Variants in TNFAIP8 observed in about 807,000 individuals in gnomAD.
TNFAIP8 encodes tumor necrosis factor alpha-induced protein 8.
Under a neutral mutation model 13.3 loss-of-function variants are expected in TNFAIP8, and 7 were observed. The ratio of observed to expected loss-of-function variants is 0.52; its 90% confidence interval spans 0.30 to 0.99. The LOEUF (loss-of-function observed/expected upper bound fraction) is 0.99, where lower values mean the gene tolerates loss of function less well. TNFAIP8 is among the 50% of genes least tolerant of loss of function. The pLI is 0.07. For synonymous variants in TNFAIP8, 94 were observed against 87.6 expected, an observed-to-expected ratio of 1.07 and a Z score of -0.41; for missense variants, 258 against 236.9, an observed-to-expected ratio of 1.09 and a Z score of -0.58.
At chr5:119,303,218 C>G (rs1261438185) in intron 1 of TNFAIP8, among the ~76,000 whole-genome samples, 1 of 152,150 alleles carries the variant, frequency 6.6e-6, no homozygotes, top group African/African-American at 2.4e-5. Flanking sequence ...ATTACCCATG[C>G]CAGTGAGGTC....
intron 1 of TNFAIP8, among the ~76,000 whole-genome samples, chr5:119,381,954 C>T (rs1169824047): frequency 1.3e-5 from 2 of 151,946 alleles, no homozygotes; most frequent in Non-Finnish European, 2.9e-5. Flanking sequence ...GAACAAAAAA[C>T]GGAGTACCTT....
chr5:119,338,658 T>C (rs1042415751), intron 1 of TNFAIP8, among the ~76,000 whole-genome samples: 3 of 152,234 alleles, frequency 2.0e-5, no homozygotes, highest in African/African-American at 4.8e-5. Context: ...GCAGCAAGAT[T>C]AGAAATTTTC....
chr5:119,276,406 C>T (rs752113031), intron 1 of TNFAIP8, among the ~76,000 whole-genome samples: 3 of 152,220 alleles, frequency 2.0e-5, no homozygotes, highest in Non-Finnish European at 4.4e-5. Context: ...GCTTGAGCCA[C>T]CGCACCTGGC....
At chr5:119,375,295 A>G (rs1167286749) in intron 1 of TNFAIP8, among the ~76,000 whole-genome samples, 4 of 152,302 alleles carry the variant, frequency 2.6e-5, no homozygotes, top group South Asian at 2.1e-4. Flanking sequence ...GGCTTCTTCT[A>G]TCTCCTAAAA....
intron 1 of TNFAIP8, 127 bp downstream of exon 1, chr5:119,356,248 C>G: frequency 2.5e-6 from 2 of 807,390 alleles, no homozygotes; most frequent in Non-Finnish European, 3.7e-6. Flanking sequence ...CCTGCGCCTT[C>G]GAAGCCAAGT....
At chr5:119,307,683 C>T (rs780878069) in intron 1 of TNFAIP8, among the ~76,000 whole-genome samples, 1 of 152,128 alleles carries the variant, frequency 6.6e-6, no homozygotes, top group Non-Finnish European at 1.5e-5. Flanking sequence ...AGTCTTTTCC[C>T]CAAAAAATTC....
At chr5:119,310,575 C>A (rs1431623908) in intron 1 of TNFAIP8, among the ~76,000 whole-genome samples, 1 of 152,198 alleles carries the variant, frequency 6.6e-6, no homozygotes, top group Non-Finnish European at 1.5e-5. Flanking sequence ...TGGCTCACAC[C>A]TGTAATCCCA....
At position 119,349,736 on chromosome 5, in the gene TNFAIP8, A is replaced by G. The variant is rs1165388326; in HGVS notation, c.2-43080A>G. Among the ~76,000 whole-genome samples the G allele has an allele frequency of 3.9e-5, 6 of 152,388 alleles. No homozygotes were observed. In the East Asian group the frequency reaches 9.6e-4, roughly 24 times the overall value. On this transcript the variant is annotated intron_variant, in intron 1 of 1. Coordinates refer to the TNFAIP8 transcript ENST00000274456. ...TTATAGCATATTTAAAGCATTGAAT[A>G]TCAGGAATTGAATGGCTTCAGTTTA...
At chr5:119,362,247 T>TTATG (rs764104090) in intron 1 of TNFAIP8, among the ~76,000 whole-genome samples, 3 of 152,120 alleles carry the variant, frequency 2.0e-5, no homozygotes, top group Non-Finnish European at 4.4e-5. Flanking sequence ...GGGAACCTAC[T>TTATG]TATGCTGTGT....
rs547126516 is a variant in TNFAIP8 at position 119,379,524 on chromosome 5, T to C, written c.32-13292T>C. Among the ~76,000 whole-genome samples, 83 of 152,268 alleles carry C rather than the reference T, an allele frequency of 5.5e-4. 1 individual carries two copies. The highest frequency in any genetic ancestry group is 1.9e-3 in the African/African-American group (80 of 41,574). The stretch of plus-strand genomic sequence containing the variant: ...TGAAGGGGGAAGGTGAAGGCAGATA[T>C]ATAGCTTTTCTTTAGTTTCTGTTCC... On this transcript the variant is annotated intron_variant, in intron 1 of 1. Transcript: ENST00000504771.
chr5:119,376,089 A>G (rs1452671652), intron 1 of TNFAIP8, among the ~76,000 whole-genome samples: 1 of 152,064 alleles, frequency 6.6e-6, no homozygotes, highest in East Asian at 1.9e-4. Flanking sequence ...ATTAAAATGA[A>G]AAAATATATA....
chr5:119,355,950 C>T, upstream of TNFAIP8: 1 of 1,455,532 alleles, frequency 6.9e-7, no homozygotes, highest in Non-Finnish European at 9.2e-7. Flanking sequence ...AACCCGCTCT[C>T]CCGCCCCGGG....
chr5:119,348,930 C>G (rs1751016188), intron 1 of TNFAIP8, among the ~76,000 whole-genome samples: 1 of 144,374 alleles, frequency 6.9e-6, no homozygotes, highest in South Asian at 2.4e-4. Flanking sequence ...TCTAAGGTTT[C>G]TTTCAAGCCT....
intron 1 of TNFAIP8, 118 bp from the exon 2 acceptor site, chr5:119,392,698 A>T: frequency 1.6e-6 from 2 of 1,246,162 alleles, no homozygotes; most frequent in Middle Eastern, 5.5e-4. Context: ...ATGTAAGACA[A>T]ACCACAAATG....
chr5:119,366,352 G>C (rs753494937), intron 1 of TNFAIP8, among the ~76,000 whole-genome samples: 1 of 152,134 alleles, frequency 6.6e-6, no homozygotes, highest in South Asian at 2.1e-4. Context: ...GGAGGACACA[G>C]AAGCTCTCTA....
intron 1 of TNFAIP8, among the ~76,000 whole-genome samples, chr5:119,365,103 T>G (rs986172245): frequency 6.6e-6 from 1 of 151,982 alleles, no homozygotes; most frequent in Admixed American, 6.6e-5. Context: ...CCTCCTGCCT[T>G]GGCCTCCCAA....
rs1324493166 is a variant in TNFAIP8, at chr5:119,394,568, C to T, written c.*1187C>T. ...CTATGTCCTCTAGGAAATGACAGAC[C>T]CAACCACCAGCAATAAACATTTCCA... On this transcript the variant is annotated 3_prime_UTR_variant, in exon 2 of 2. Coordinates refer to ENST00000504771, the MANE Select transcript of TNFAIP8 (RefSeq NM_014350.4). 6.7e-6 allele frequency: 1 copy of T among 150,058 alleles called. No individual in the cohort carries two copies. Among genetic ancestry groups the T allele is most frequent in the Non-Finnish European group, 1.5e-5 (1 of 67,878 alleles). The allele number at this position is 150,058 out of a possible 1,614,324, so 9.3% of individuals were successfully genotyped here.
chr5:119,395,096 T>G lies in TNFAIP8; in HGVS notation c.*1715T>G, dbSNP rs2112877122. ...GCTTGGCTAAGACAAGCAGCAAAGG[T>G]GTAGAGTTTCTTCCTGTTTGATATT... On this transcript the variant is annotated 3_prime_UTR_variant, in exon 2 of 2. Transcript: ENST00000504771. 1 of 152,236 alleles carries G rather than the reference T, an allele frequency of 6.6e-6. No individual in the cohort carries two copies. The highest frequency in any genetic ancestry group is 2.1e-4 in the South Asian group (1 of 4,824). 9.4% of individuals were successfully genotyped at this position (152,236 alleles called of 1,614,324 possible).
At chr5:119,288,234 G>T (rs886580065) in intron 1 of TNFAIP8, among the ~76,000 whole-genome samples, 14 of 151,882 alleles carry the variant, frequency 9.2e-5, no homozygotes, top group African/African-American at 3.1e-4. Context: ...ACATTATTTT[G>T]TACACAGTTT....
Sources: gnomAD v4.1 joint callset for allele counts (sites outside exome capture counted in the v4.1 genomes callset) on GRCh38, gnomAD v4.1.1 for gene constraint, MANE v1.5 for transcripts, NCBI Gene and HGNC (gene_info 2026-07-23, HGNC 2026-07-21) for gene names.